NAV2: variants seen among roughly 807,000 people sequenced by gnomAD.
The protein encoded by NAV2 is neuron navigator 2.
NAV2 carries 54 observed loss-of-function variants against 223.2 expected under a neutral mutation model. The ratio of observed to expected loss-of-function variants is 0.24; its 90% CI spans 0.19 to 0.30. The LOEUF (loss-of-function observed/expected upper bound fraction) is 0.30, where lower values mean the gene tolerates loss of function less well. Among genes scored for constraint, NAV2 ranks in the 10% least tolerant of loss-of-function variants. The pLI, the probability that NAV2 is intolerant of heterozygous loss-of-function variation, is 1.00. For missense variants in NAV2, 2,806 were observed against 3,147.5 expected, an observed-to-expected ratio of 0.89 and a Z score of 2.60; for synonymous variants, 1,279 against 1,239.3, an observed-to-expected ratio of 1.03 and a Z score of -0.67.
At chr11:19,736,922 G>GA (rs914640442) in intron 1 of NAV2, among the ~76,000 whole-genome samples, 20 of 151,494 alleles carry the variant, frequency 1.3e-4, no homozygotes, top group Admixed American at 5.3e-4. Context: ...CCTACCAGGG[G>GA]AAAAAAAAAC....
intron 11 of NAV2, among the ~76,000 whole-genome samples, chr11:19,991,692 A>G (rs1388827168): frequency 6.6e-6 from 1 of 152,096 alleles, no homozygotes; most frequent in African/African-American, 2.4e-5. Flanking sequence ...ATGAAACACA[A>G]CCCGTGTTTC....
Position 19,933,372 on chromosome 11 carries a change from C to G in NAV2, c.1128C>G (p.Val376=), listed in dbSNP as rs1436190715. The change falls in exon 7 of 38, where the codon GTC becomes GTG. Residue 376 remains valine (V), a synonymous_variant. Coordinates refer to ENST00000349880, the MANE Select transcript of NAV2 (RefSeq NM_145117.5). This position sits in a 1 kb window ranked among gnomAD's most constrained non-coding sequence, Gnocchi z 4.3. ...GTGCCACGGTATCCATGCTCTCGGT[C>G]AAGCCTCCTGGGCCTGAGGCCCCCA... is the stretch of plus-strand genomic sequence containing the variant. ...KHSATVSMLS[V]KPPGPEAPRP... is the part of the protein sequence containing the mutation. The G allele has an allele frequency of 1.1e-5, 18 of 1,591,946 alleles. No homozygotes were observed. The highest frequency in any genetic ancestry group is 1.5e-5 in the Non-Finnish European group (17 of 1,167,820).
intron 3 of NAV2, among the ~76,000 whole-genome samples, chr11:19,845,626 G>A (rs992213766): frequency 1.3e-5 from 2 of 152,192 alleles, no homozygotes; most frequent in Non-Finnish European, 2.9e-5. Flanking sequence ...GAGTAGGTTA[G>A]GAGCATGAGC....
intron 1 of NAV2, among the ~76,000 whole-genome samples, chr11:19,509,634 A>G (rs895163607): frequency 2.6e-5 from 4 of 152,222 alleles, no homozygotes; most frequent in Admixed American, 2.6e-4. Context: ...ATAAATGATA[A>G]TGCAATCAGC....
intron 1 of NAV2, among the ~76,000 whole-genome samples, chr11:19,467,426 A>G (rs769770243): frequency 2.0e-5 from 3 of 152,248 alleles, no homozygotes; most frequent in Admixed American, 6.5e-5. Context: ...TTTAGAAGTA[A>G]GTTAAAAACC....
intron 25 of NAV2, among the ~76,000 whole-genome samples, chr11:20,080,788 C>T (rs950948225): frequency 6.6e-6 from 1 of 152,180 alleles, no homozygotes; most frequent in African/African-American, 2.4e-5. Flanking sequence ...GAATCAGTCT[C>T]CATTACAGTG....
chr11:20,082,770 T>C (rs1362191122), intron 25 of NAV2, among the ~76,000 whole-genome samples: 1 of 152,174 alleles, frequency 6.6e-6, no homozygotes, highest in Non-Finnish European at 1.5e-5. Context: ...TGGCATCTAG[T>C]CTTGAACCAA....
At chr11:19,977,043 A>T (rs61877339) in intron 10 of NAV2, among the ~76,000 whole-genome samples, 1 of 151,924 alleles carries the variant, frequency 6.6e-6, no homozygotes, top group African/African-American at 2.4e-5. Context: ...AGGAAATCGC[A>T]TAAAGGGTGC....
At chr11:19,739,742 T>C (rs56162007) in intron 1 of NAV2, among the ~76,000 whole-genome samples, 3,987 of 152,230 alleles carry the variant, frequency 0.026, 193 homozygotes, top group African/African-American at 0.091. Flanking sequence ...TCTCTTTTGC[T>C]GGAGTCAGTG....
chr11:19,566,807 G>A (rs765864536), intron 1 of NAV2, among the ~76,000 whole-genome samples: 1 of 152,334 alleles, frequency 6.6e-6, no homozygotes, highest in Non-Finnish European at 1.5e-5. Flanking sequence ...AAGGTCTAGA[G>A]GGGCATGATA....
intron 3 of NAV2, among the ~76,000 whole-genome samples, chr11:19,847,775 C>T (rs1460468059): frequency 6.6e-6 from 1 of 152,192 alleles, no homozygotes; most frequent in South Asian, 2.1e-4. Flanking sequence ...TTTACAAATA[C>T]AGCATGTCCC....
intron 16 of NAV2, among the ~76,000 whole-genome samples, chr11:20,050,591 AC>A (rs2057900284): frequency 6.6e-6 from 1 of 151,002 alleles, no homozygotes; most frequent in African/African-American, 2.4e-5. Context: ...AAAAAAAAAA[AC>A]CTTCACCCCA....
At chr11:19,556,143 A>G (rs2044882723) in intron 1 of NAV2, among the ~76,000 whole-genome samples, 1 of 152,172 alleles carries the variant, frequency 6.6e-6, no homozygotes, top group African/African-American at 2.4e-5. Flanking sequence ...ACTGCTGGGA[A>G]TCTTGCCTAA....
rs58138697 is a variant in NAV2, at chr11:19,484,127, A to AACACACACACACAC, written c.75+133119_75+133132dup. ...GACCTTGGATTTGTGACTGATCACAAACACACACACACACACACACACACA... is the reference window on the plus strand; with the variant it reads ...GACCTTGGATTTGTGACTGATCACAAACACACACACACACACACACACACACACACACACACACA... On this transcript the variant is annotated intron_variant, in intron 1 of 37. Coordinates refer to the NAV2 transcript ENST00000360655. Among the ~76,000 whole-genome samples, 205 of 144,890 alleles carry AACACACACACACAC rather than the reference A, an allele frequency of 1.4e-3. 2 individuals carry two copies. Among genetic ancestry groups the AACACACACACACAC allele is most frequent in the East Asian group, 8.9e-3 (43 of 4,818 alleles).
chr11:19,417,080 G>A (rs1019325827), intron 1 of NAV2, among the ~76,000 whole-genome samples: 6 of 152,314 alleles, frequency 3.9e-5, no homozygotes, highest in South Asian at 2.1e-4. Context: ...GGCAAGAAAA[G>A]CCACAATTGA....
At chr11:20,005,253 ATTTTT>A (rs35999844) in intron 11 of NAV2, among the ~76,000 whole-genome samples, 14 of 134,522 alleles carry the variant, frequency 1.0e-4, no homozygotes, top group Admixed American at 1.5e-4. Flanking sequence ...ATATATATAT[ATTTTT>A]TTTTTTTTTT....
intron 1 of NAV2, among the ~76,000 whole-genome samples, chr11:19,564,854 G>C (rs527780477): frequency 6.6e-6 from 1 of 152,246 alleles, no homozygotes; most frequent in South Asian, 2.1e-4. Flanking sequence ...ATGACACTGG[G>C]CCGGGCGTGG....
intron 6 of NAV2, among the ~76,000 whole-genome samples, chr11:19,902,604 A>T (rs560996498): frequency 1.8e-4 from 28 of 152,346 alleles, no homozygotes; most frequent in African/African-American, 5.8e-4. Flanking sequence ...TCTTCAGATG[A>T]TAAATCTCAG....
chr11:20,045,661 C>T lies in NAV2; in HGVS notation c.3893C>T (p.Thr1298Ile). 3 of 1,613,224 alleles carry T rather than the reference C, an allele frequency of 1.9e-6. No homozygotes were observed. In the East Asian group the frequency reaches 6.7e-5, roughly 36 times the overall value. Residue 1298 changes from threonine to isoleucine, a missense_variant, in exon 14 of 38, where the codon ACA (threonine) becomes ATA (isoleucine). By Grantham distance (89) the Thr-to-Ile change is moderately conservative. Around this residue, in one of 4 missense-constraint regions of NAV2, gnomAD observed 742 missense variants for 777.9 expected, o/e 0.95. Transcript: ENST00000349880. ...GAKYPDVASP[T>I]LRRLFGGKPT... is the part of the protein sequence containing the mutation. ...AAGTACCCAGATGTGGCCTCTCCCA[C>T]ACTCCGCAGGTAAGTGAGTACATAA... is the stretch of plus-strand genomic sequence containing the variant.
Sources: gnomAD v4.1 joint callset for allele counts (sites outside exome capture counted in the v4.1 genomes callset) on GRCh38, gnomAD v4.1.1 for gene constraint, gnomAD v4.1.1 regional missense constraint, Gnocchi (gnomAD v3.1) non-coding constraint, MANE v1.5 for transcripts, NCBI Gene and HGNC (gene_info 2026-07-23, HGNC 2026-07-21) for gene names.